Variants in STYX observed in about 807,000 individuals in gnomAD.
STYX encodes serine/threonine/tyrosine interacting protein.
Under a neutral mutation model 42.7 loss-of-function variants are expected in STYX, and 20 were observed. The observed-to-expected ratio is 0.47, with a 90% CI of 0.33 to 0.68. The LOEUF is 0.68. Among genes scored for constraint, STYX ranks in the 30% least tolerant of loss-of-function variants. The pLI, the probability that STYX is intolerant of heterozygous loss-of-function variation, is 0.02. For missense variants in STYX, 226 were observed against 268.5 expected, an observed-to-expected ratio of 0.84 and a Z score of 1.11; for synonymous variants, 78 against 81.9, an observed-to-expected ratio of 0.95 and a Z score of 0.26.
At chr14:52,732,091 G>GTTTT (rs560828155) in intron 1 of STYX, among the ~76,000 whole-genome samples, 15 of 86,002 alleles carry the variant, frequency 1.7e-4, no homozygotes, top group African/African-American at 3.8e-4. Context: ...TATACTCATG[G>GTTTT]TTTTTTTTTT....
In STYX at chr14:52,730,219, A is replaced by G; in HGVS notation, c.-256A>G. On this transcript the variant is annotated 5_prime_UTR_variant, in exon 1 of 11. Transcript: ENST00000354586. ...CCTGGGCGGCCTGAGGGGTACGGAGACTCTGGGGGAGGGAGACGGCAGCGG... is the reference window on the plus strand; with the variant it reads ...CCTGGGCGGCCTGAGGGGTACGGAGGCTCTGGGGGAGGGAGACGGCAGCGG... The G allele has an allele frequency of 5.5e-6, 3 of 543,264 alleles. No homozygotes were observed. In the South Asian group the frequency reaches 6.7e-5, roughly 12 times the overall value. 33.7% of individuals were successfully genotyped at this position (543,264 alleles called of 1,614,324 possible). A position where few individuals can be genotyped will look rare whatever the true frequency, so the allele number is the denominator to read the frequency against.
chr14:52,764,749 A>G (rs528883153), intron 9 of STYX, among the ~76,000 whole-genome samples: 4 of 138,808 alleles, frequency 2.9e-5, no homozygotes, highest in African/African-American at 8.1e-5. Flanking sequence ...GCTCACTGCA[A>G]CCTTTGCCTC....
At chr14:52,746,942 G>A (rs1411357604) in intron 3 of STYX, among the ~76,000 whole-genome samples, 2 of 152,176 alleles carry the variant, frequency 1.3e-5, no homozygotes, top group African/African-American at 2.4e-5. Context: ...GAGCTAGTTG[G>A]TATCCCCGCT....
chr14:52,764,979 C>A (rs1269559605), intron 9 of STYX, among the ~76,000 whole-genome samples: 1 of 152,004 alleles, frequency 6.6e-6, no homozygotes, highest in African/African-American at 2.4e-5. Context: ...CTTAATCCTA[C>A]ATTTAAATAG....
rs36115577 is a variant in STYX at position 52,774,591 on chromosome 14, A to ATTTTTT, written c.*3497_*3502dup. ...GTCTCTAGGGTCTTTGAATGCTGGA[A>ATTTTTT]TTTTTTTTTTTTTTTTTGTCTTTCC... On this transcript the variant is annotated 3_prime_UTR_variant, in exon 11 of 11. Coordinates refer to ENST00000354586, the MANE Select transcript of STYX (RefSeq NM_145251.4). 8 of 136,264 alleles carry ATTTTTT rather than the reference A, an allele frequency of 5.9e-5. No individual in the cohort carries two copies. The highest frequency in any genetic ancestry group is 4.8e-5 in the Non-Finnish European group (3 of 63,016). The allele number at this position is 136,264 out of a possible 1,614,324, so 8.4% of individuals were successfully genotyped here.
Position 52,755,131 on chromosome 14 carries a change from T to G in STYX, c.243-1420T>G, listed in dbSNP as rs61091852. On this transcript the variant is annotated intron_variant, in intron 4 of 10. Transcript: ENST00000354586. Reference sequence around the variant, plus strand: ...TTTGTTTGTTTTTTTGTTTTTTTTTTTTTGTTTTTGAAACAGAGTCTTGCT... The same window carrying G: ...TTTGTTTGTTTTTTTGTTTTTTTTTGTTTGTTTTTGAAACAGAGTCTTGCT... 4.6e-3 allele frequency among the ~76,000 whole-genome samples: 689 copies of G among 150,714 alleles called. 3 individuals carry two copies. Among genetic ancestry groups the G allele is most frequent in the African/African-American group, 0.016 (644 of 41,104 alleles).
rs533335161 is a variant in STYX at position 52,766,174 on chromosome 14, T to G, written c.505-2666T>G. ...ATCACACCTGGCTAAGTTTTTTGTT[T>G]GTTGTTGTTTGAGACAAAGTCTCAC... On this transcript the variant is annotated intron_variant, in intron 9 of 10. Coordinates refer to ENST00000354586, the MANE Select transcript of STYX (RefSeq NM_145251.4). Among the ~76,000 whole-genome samples, 27 of 151,968 alleles carry G rather than the reference T, an allele frequency of 1.8e-4. No individual in the cohort carries two copies. The South Asian group carries it at 5.4e-3, about 30-fold the overall frequency.
chr14:52,770,232 TA>T (rs1239728387), intron 10 of STYX, among the ~76,000 whole-genome samples: 1 of 152,160 alleles, frequency 6.6e-6, no homozygotes, highest in Non-Finnish European at 1.5e-5. Flanking sequence ...ATTGATACTA[TA>T]TTTTTATCTT....
intron 1 of STYX, among the ~76,000 whole-genome samples, chr14:52,743,551 A>G (rs1275643145): frequency 1.3e-5 from 2 of 152,164 alleles, no homozygotes; most frequent in African/African-American, 4.8e-5. Context: ...ACTGCACTCC[A>G]ACCTGGATGA....
At chr14:52,733,380 C>A (rs1357770203) in intron 1 of STYX, among the ~76,000 whole-genome samples, 1 of 152,036 alleles carries the variant, frequency 6.6e-6, no homozygotes, top group Non-Finnish European at 1.5e-5. Flanking sequence ...TTTTTCCATA[C>A]CAAGCAGTTT....
intron 3 of STYX, among the ~76,000 whole-genome samples, chr14:52,747,483 T>C (rs78259953): frequency 0.017 from 2,591 of 152,316 alleles, 76 homozygotes; most frequent in African/African-American, 0.059. Flanking sequence ...TGATGATTTT[T>C]GCTTAGTTGG....
rs749403311 is a variant in STYX, at chr14:52,757,838, T to C, written c.381-36T>C. 3.1e-6 allele frequency: 5 copies of C among 1,612,964 alleles called. No individual in the cohort carries two copies. The Admixed American group carries it at 5.0e-5, about 16-fold the overall frequency. On this transcript the variant is annotated intron_variant, in intron 7 of 10. Coordinates refer to ENST00000354586, the MANE Select transcript of STYX (RefSeq NM_145251.4). Reference sequence around the variant, plus strand: ...TAACATTTAATTAATGGGCTGTATTTTCTGGTTGTTTTTAAAATTATTTTC... The same window carrying C: ...TAACATTTAATTAATGGGCTGTATTCTCTGGTTGTTTTTAAAATTATTTTC...
At chr14:52,756,188 T>A (rs1348931006) in intron 4 of STYX, among the ~76,000 whole-genome samples, 2 of 152,126 alleles carry the variant, frequency 1.3e-5, no homozygotes, top group Non-Finnish European at 2.9e-5. Flanking sequence ...GCTAATTTTT[T>A]AATATTCTGT....
At chr14:52,768,393 C>T (rs1882390421) in intron 9 of STYX, among the ~76,000 whole-genome samples, 1 of 152,136 alleles carries the variant, frequency 6.6e-6, no homozygotes, top group African/African-American at 2.4e-5. Flanking sequence ...CTTTTCCCCT[C>T]ATTCTTCTCA....
chr14:52,747,371 T>G (rs1881433361), intron 3 of STYX, among the ~76,000 whole-genome samples: 1 of 152,204 alleles, frequency 6.6e-6, no homozygotes, highest in Non-Finnish European at 1.5e-5. Context: ...TAATTTAATT[T>G]GATGTTCTTA....
chr14:52,749,359 A>T (rs1254615964), intron 3 of STYX, among the ~76,000 whole-genome samples: 4 of 152,110 alleles, frequency 2.6e-5, no homozygotes, highest in Admixed American at 6.6e-5. Flanking sequence ...AACACATATA[A>T]ATTATTTTTT....
chr14:52,758,853 G>A (rs1346565264), intron 8 of STYX, among the ~76,000 whole-genome samples: 1 of 151,884 alleles, frequency 6.6e-6, no homozygotes, highest in Non-Finnish European at 1.5e-5. Context: ...GTATTACAGG[G>A]GTGAGCCACT....
chr14:52,738,084 G>A (rs1881029822), intron 1 of STYX, among the ~76,000 whole-genome samples: 1 of 152,104 alleles, frequency 6.6e-6, no homozygotes, highest in South Asian at 2.1e-4. Flanking sequence ...CCAACAGGCA[G>A]GTTTAAGGTT....
chr14:52,763,079 G>C (rs1882163244), intron 9 of STYX, among the ~76,000 whole-genome samples: 2 of 151,538 alleles, frequency 1.3e-5, no homozygotes, highest in Non-Finnish European at 2.9e-5. Context: ...TTTCAGTAGA[G>C]ACGAGGTTTC....
Sources: gnomAD v4.1 joint callset for allele counts (sites outside exome capture counted in the v4.1 genomes callset) on GRCh38, gnomAD v4.1.1 for gene constraint, MANE v1.5 for transcripts, NCBI Gene and HGNC (gene_info 2026-07-23, HGNC 2026-07-21) for gene names.